AHCTF1: variants seen among roughly 807,000 people sequenced by gnomAD.
AHCTF1 encodes the protein protein ELYS.
Under a neutral mutation model 248.4 loss-of-function variants are expected in AHCTF1, and 24 were observed. The ratio of observed to expected loss-of-function variants is 0.10; its 90% CI spans 0.07 to 0.14. The LOEUF is 0.14. Ranked by LOEUF, AHCTF1 falls within the 10% of genes least tolerant of loss-of-function variation. AHCTF1 has a pLI of 1.00. For synonymous variants in AHCTF1, 786 were observed against 929.8 expected (o/e 0.85, Z 2.81); for missense variants, 2,206 against 2,636.2 (o/e 0.84, Z 3.57).
chr1:246,863,783 G>A, intron 27 of AHCTF1, 141 bp downstream of exon 27: 1 of 809,806 alleles, frequency 1.2e-6, no homozygotes, highest in Non-Finnish European at 2.0e-6. Context: ...TTTAGAAGAT[G>A]TGAAAACATA....
intron 2 of AHCTF1, 22 bp from the exon 3 acceptor site, chr1:246,916,417 T>A (rs1351349297): frequency 6.3e-7 from 1 of 1,599,554 alleles, no homozygotes; most frequent in Admixed American, 1.8e-5. Context: ...AAAAATTGCC[T>A]ATTTTAATAT....
intron 27 of AHCTF1, among the ~76,000 whole-genome samples, chr1:246,863,016 TTC>T (rs1661687090): frequency 6.6e-6 from 1 of 152,234 alleles, no homozygotes; most frequent in East Asian, 1.9e-4. Context: ...ATCATAACAA[TTC>T]TTTTTTCTAG....
chr1:246,847,377 T>G (rs1660355312), intron 33 of AHCTF1, among the ~76,000 whole-genome samples: 3 of 152,196 alleles, frequency 2.0e-5, no homozygotes, highest in South Asian at 4.1e-4. Flanking sequence ...GTACATAAAC[T>G]GCAGGTTTTT....
At chr1:246,884,791 CT>C (rs1390880076) in intron 21 of AHCTF1, among the ~76,000 whole-genome samples, 1 of 152,182 alleles carries the variant, frequency 6.6e-6, no homozygotes, top group African/African-American at 2.4e-5. Flanking sequence ...AAACCAGACA[CT>C]TCCTTAAGAT....
chr1:246,847,306 CAAAA>C (rs58227848), intron 33 of AHCTF1, among the ~76,000 whole-genome samples: 2 of 146,854 alleles, frequency 1.4e-5, no homozygotes, highest in East Asian at 4.0e-4. Context: ...AAAAAACAAA[CAAAA>C]AAAAAACTGA....
At position 246,922,793 on chromosome 1, in the gene AHCTF1, T is replaced by C. The variant is rs1358387776; in HGVS notation, c.-7-4416A>G. Among the ~76,000 whole-genome samples the C allele has an allele frequency of 4.6e-5, 7 of 150,654 alleles. No homozygotes were observed. The East Asian group carries it at 8.1e-4, about 17-fold the overall frequency. ...GTCAGGAGATCGAGACCATCCTGGA[T>C]AACACGGTGAAACCCTGTCTCTACT... On this transcript the variant is annotated intron_variant, in intron 1 of 35. Coordinates refer to ENST00000648844, the MANE Select transcript of AHCTF1 (RefSeq NM_001323342.2).
At chr1:246,860,591 C>T (rs1438351301) in intron 29 of AHCTF1, among the ~76,000 whole-genome samples, 5 of 152,216 alleles carry the variant, frequency 3.3e-5, no homozygotes, top group South Asian at 2.1e-4. Context: ...TGCTCTGTCA[C>T]GCAGGCTAAA....
chr1:246,898,239 A>C lies in AHCTF1; in HGVS notation c.1592T>G (p.Phe531Cys). Residue 531 changes from phenylalanine (F) to cysteine (C), a missense_variant, in exon 12 of 36, where the codon TTT becomes TGT. Around this residue, in one of 6 missense-constraint regions of AHCTF1, gnomAD observed 650 missense variants for 870.8 expected, o/e 0.75. Coordinates refer to ENST00000648844, the MANE Select transcript of AHCTF1 (RefSeq NM_001323342.2). ...TAAACTGGAAGGCTGAACATCAACA[A>C]ATCTTGGGGAAAGAAGGCCAGCTAC... ...CLVAGLLSPR[F>C]VDVQPSSLSQ... 1.9e-6 allele frequency: 3 copies of C among 1,612,342 alleles called. No homozygotes were observed. Among genetic ancestry groups the C allele is most frequent in the Non-Finnish European group, 2.5e-6 (3 of 1,179,984 alleles).
chr1:246,850,310 G>C lies in AHCTF1; in HGVS notation c.5696C>G (p.Pro1899Arg), dbSNP rs1270598862. 6.2e-7 allele frequency: 1 copy of C among 1,613,846 alleles called. No homozygotes were observed. The highest frequency in any genetic ancestry group is 2.2e-5 in the East Asian group (1 of 44,866). ...NDLKVSTVTSPSRMIRKLRST... is the reference protein window; with the variant it reads ...NDLKVSTVTSRSRMIRKLRST... ...TCTCAATTTTCTGATCATTCTGCTA[G>C]GACTTGTTACCGTACTAACTTTTAG... Residue 1899 changes from proline (P) to arginine (R), a missense_variant, in exon 33 of 36, where the codon CCT (proline) becomes CGT (arginine). Coordinates refer to ENST00000648844, the MANE Select transcript of AHCTF1 (RefSeq NM_001323342.2).
In AHCTF1 at chr1:246,850,321, C is replaced by G. The variant is rs374222002; in HGVS notation, c.5685G>C (p.Thr1895=). ...VEIINDLKVS[T]VTSPSRMIRK... ...TGATCATTCTGCTAGGACTTGTTAC[C>G]GTACTAACTTTTAGATCATTTATAA... Residue 1895 remains threonine, a synonymous_variant, in exon 33 of 36, where the codon ACG becomes ACC. Transcript: ENST00000648844. 3 of 1,613,834 alleles carry G rather than the reference C, an allele frequency of 1.9e-6. No individual in the cohort carries two copies. The highest frequency in any genetic ancestry group is 1.7e-6 in the Non-Finnish European group (2 of 1,179,818).
At chr1:246,868,221 C>T (rs545653398) in intron 24 of AHCTF1, among the ~76,000 whole-genome samples, 1 of 151,780 alleles carries the variant, frequency 6.6e-6, no homozygotes, top group Admixed American at 6.6e-5. Flanking sequence ...CTCTGCCTGC[C>T]AGACTCAAGT....
At position 246,855,710 on chromosome 1, in the gene AHCTF1, G is replaced by A. The variant is rs1661063117; in HGVS notation, c.4354+20C>T. 1 of 1,567,790 alleles carries A rather than the reference G, an allele frequency of 6.4e-7. No homozygotes were observed. The highest frequency in any genetic ancestry group is 1.4e-5 in the African/African-American group (1 of 73,330). On this transcript the variant is annotated intron_variant, in intron 31 of 35. Coordinates refer to ENST00000648844, the MANE Select transcript of AHCTF1 (RefSeq NM_001323342.2). ...AACACAAAAATGGAATAATCCTGAA[G>A]TCAAAATTATTATACATACATTTAT...
intron 3 of AHCTF1, 30 bp from the exon 4 acceptor site, chr1:246,913,442 C>A (rs1665942053): frequency 6.4e-7 from 1 of 1,568,958 alleles, no homozygotes; most frequent in Non-Finnish European, 8.7e-7. Flanking sequence ...ATTTGCTTTT[C>A]TTCTGCAAAG....
rs1662121949 is a variant in AHCTF1 at position 246,867,905 on chromosome 1, ACAC to A, written c.3089-97_3089-95del. ...AGAATGATTACACCCCCCCCCCCAC[ACAC>A]ACACACACACACATTACGTGGTAAT... On this transcript the variant is annotated intron_variant, in intron 24 of 35. Transcript: ENST00000648844. 20 of 235,434 alleles carry A rather than the reference ACAC, an allele frequency of 8.5e-5. 1 individual carries two copies. Among genetic ancestry groups the A allele is most frequent in the Admixed American group, 3.5e-4 (3 of 8,678 alleles). The allele number at this position is 235,434 out of a possible 1,614,324, so 14.6% of individuals were successfully genotyped here.
chr1:246,890,052 A>T lies in AHCTF1; in HGVS notation c.2058T>A (p.Ser686=). 2 of 1,608,720 alleles carry T rather than the reference A, an allele frequency of 1.2e-6. No individual in the cohort carries two copies. The highest frequency in any genetic ancestry group is 1.7e-6 in the Non-Finnish European group (2 of 1,176,680). Residue 686 remains serine, a synonymous_variant, in exon 17 of 36, where the codon TCT becomes TCA. Transcript: ENST00000648844. ...SGLLPEGIDD[S]VQLSRLCYNY... is the part of the protein sequence containing the mutation. ...TGTAGCATAACCTTGACAACTGCAC[A>T]GAATCATCTAGATTTTTAAGAGTTG...
At chr1:246,891,653 T>A in intron 15 of AHCTF1, 126 bp downstream of exon 15, 1 of 984,094 alleles carries the variant, frequency 1.0e-6, no homozygotes, top group African/African-American at 1.7e-5. Context: ...ACAAAAACCC[T>A]AGCACTGGAG....
At chr1:246,922,315 G>C (rs1666598863) in intron 1 of AHCTF1, among the ~76,000 whole-genome samples, 1 of 152,128 alleles carries the variant, frequency 6.6e-6, no homozygotes, top group African/African-American at 2.4e-5. Flanking sequence ...AGCAGAGATT[G>C]CACCACTGCA....
intron 8 of AHCTF1, among the ~76,000 whole-genome samples, chr1:246,900,810 G>C (rs1184641411): frequency 6.6e-6 from 1 of 152,224 alleles, no homozygotes; most frequent in Non-Finnish European, 1.5e-5. Context: ...TACGGAGCTA[G>C]TACTAGAGAA....
At chr1:246,920,767 C>T (rs1666488956) in intron 1 of AHCTF1, among the ~76,000 whole-genome samples, 1 of 135,316 alleles carries the variant, frequency 7.4e-6, no homozygotes, top group Admixed American at 7.6e-5. Context: ...AAAACACTGT[C>T]TCAAAAAAAA....
Sources: gnomAD v4.1 joint callset for allele counts (sites outside exome capture counted in the v4.1 genomes callset) on GRCh38, gnomAD v4.1.1 for gene constraint, gnomAD v4.1.1 regional missense constraint, MANE v1.5 for transcripts, NCBI Gene and HGNC (gene_info 2026-07-23, HGNC 2026-07-21) for gene names.